TNFAIP6: variants seen among roughly 807,000 people sequenced by gnomAD.
TNFAIP6 encodes TNF alpha induced protein 6.
TNFAIP6 carries 36 observed loss-of-function variants against 33.7 expected under a neutral mutation model. The ratio of observed to expected loss-of-function variants is 1.07; its 90% CI spans 0.82 to 1.41. TNFAIP6 has a LOEUF of 1.41. Among genes scored for constraint, TNFAIP6 ranks in the 40% most tolerant of loss-of-function variants. The pLI is 0.00. For missense variants in TNFAIP6, 273 were observed against 331.9 expected (o/e 0.82, Z 1.38); for synonymous variants, 113 against 112.8 (o/e 1.00, Z -0.01).
intron 5 of TNFAIP6, among the ~76,000 whole-genome samples, chr2:151,376,869 T>TC (rs1558902171): frequency 6.8e-6 from 1 of 147,006 alleles, no homozygotes; most frequent in African/African-American, 2.5e-5. Flanking sequence ...TCTTTTCTTT[T>TC]TTTTTTTTTT....
rs117973638 is a variant in TNFAIP6 at position 151,370,036 on chromosome 2, C to T, written c.411C>T (p.Gly137=). Residue 137 remains glycine (G), a synonymous_variant, in exon 4 of 6, where the codon GGC becomes GGT. Coordinates refer to ENST00000243347, the MANE Select transcript of TNFAIP6 (RefSeq NM_007115.4). ...TCATTTCAGCAAAGGAGTGTGGTGG[C>T]GTCTTTACAGATCCAAAGCAAATTT... ...CYNPHAKECG[G]VFTDPKQIFK... 5.9e-5 allele frequency: 95 copies of T among 1,613,464 alleles called. No homozygotes were observed. The East Asian group carries it at 1.2e-3, about 20-fold the overall frequency.
At chr2:151,377,825 C>T (rs919256803) in intron 5 of TNFAIP6, among the ~76,000 whole-genome samples, 3 of 151,718 alleles carry the variant, frequency 2.0e-5, no homozygotes, top group Non-Finnish European at 4.4e-5. Flanking sequence ...GCAAATCTTC[C>T]AAATATGAGA....
chr2:151,373,688 C>T, intron 5 of TNFAIP6, 99 bp downstream of exon 5: 1 of 585,392 alleles, frequency 1.7e-6, no homozygotes, highest in Non-Finnish European at 2.7e-6. Flanking sequence ...AGTTATTATT[C>T]ACTTTTTAAA....
rs374084707 is a variant in TNFAIP6, at chr2:151,371,121, A to G, written c.623+873A>G. On this transcript the variant is annotated intron_variant, in intron 4 of 5. Coordinates refer to ENST00000243347, the MANE Select transcript of TNFAIP6 (RefSeq NM_007115.4). The stretch of plus-strand genomic sequence containing the variant: ...AGTAATTGTTGCCTTTCTTCTTCCT[A>G]CAAAGCATTGTGCTAAGTATTATGG... Among the ~76,000 whole-genome samples, 17 of 152,242 alleles carry G rather than the reference A, an allele frequency of 1.1e-4. No individual in the cohort carries two copies. In the South Asian group the frequency reaches 3.5e-3, roughly 32 times the overall value.
chr2:151,370,182 C>G lies in TNFAIP6; in HGVS notation c.557C>G (p.Pro186Arg), dbSNP rs769648795. The G allele has an allele frequency of 2.0e-5, 33 of 1,614,114 alleles. No individual in the cohort carries two copies. Among genetic ancestry groups the G allele is most frequent in the Non-Finnish European group, 2.8e-5 (33 of 1,180,020 alleles). The change falls in exon 4 of 6, where the codon CCA (proline) becomes CGA (arginine). Residue 186 changes from proline (P) to arginine (R), a missense_variant. Coordinates refer to ENST00000243347, the MANE Select transcript of TNFAIP6 (RefSeq NM_007115.4). Reference sequence around the variant, plus strand: ...TTAGATTTTGACCTTGAAGATGACCCAGGTTGCTTGGCTGATTATGTTGAA... The same window carrying G: ...TTAGATTTTGACCTTGAAGATGACCGAGGTTGCTTGGCTGATTATGTTGAA... ...SFLDFDLEDD[P>R]GCLADYVEIY... is the part of the protein sequence containing the mutation.
In TNFAIP6 at chr2:151,370,025, G is replaced by C; in HGVS notation, c.400G>C (p.Glu134Gln). 6.2e-7 allele frequency: 1 copy of C among 1,610,556 alleles called. No individual in the cohort carries two copies. The highest frequency in any genetic ancestry group is 1.7e-5 in the Admixed American group (1 of 59,530). ...DAYCYNPHAK[E>Q]CGGVFTDPKQ... is the part of the protein sequence containing the mutation. ...TTTTTTTCTTCTCATTTCAGCAAAG[G>C]AGTGTGGTGGCGTCTTTACAGATCC... Residue 134 changes from glutamate (E) to glutamine (Q), a missense_variant, in exon 4 of 6, where the codon GAG (glutamate) becomes CAG (glutamine). Glu to Gln is a conservative substitution (Grantham distance 29). Coordinates refer to ENST00000243347, the MANE Select transcript of TNFAIP6 (RefSeq NM_007115.4).
Position 151,379,569 on chromosome 2 carries a change from T to C in TNFAIP6, c.*36T>C, listed in dbSNP as rs367696501. ...AAGGATGATCAAAACACACAGTGTTTATGTTGGAATCTTTTGGAACTCCTT... is the reference window on the plus strand; with the variant it reads ...AAGGATGATCAAAACACACAGTGTTCATGTTGGAATCTTTTGGAACTCCTT... On this transcript the variant is annotated 3_prime_UTR_variant, in exon 6 of 6. Coordinates refer to ENST00000243347, the MANE Select transcript of TNFAIP6 (RefSeq NM_007115.4). 3 of 1,427,586 alleles carry C rather than the reference T, an allele frequency of 2.1e-6. No individual in the cohort carries two copies. Among genetic ancestry groups the C allele is most frequent in the Non-Finnish European group, 2.8e-6 (3 of 1,073,154 alleles). The allele number at this position is 1,427,586 out of a possible 1,614,324, so 88.4% of individuals were successfully genotyped here.
In TNFAIP6 at chr2:151,359,420, G is replaced by A. The variant is rs190956660; in HGVS notation, c.94+1660G>A. On this transcript the variant is annotated intron_variant, in intron 1 of 5. Transcript: ENST00000243347. ...TTTTTTTTTTTTGAGGCAGAGTCTC[G>A]CTCTGTTGCCCACGCTGGAGTGCAG... Among the ~76,000 whole-genome samples the A allele has an allele frequency of 2.2e-3, 293 of 135,864 alleles. 2 individuals carry two copies. Among genetic ancestry groups the A allele is most frequent in the African/African-American group, 7.2e-3 (256 of 35,566 alleles). The allele number at this position is 135,864 out of a possible 152,430, so 89.1% of individuals were successfully genotyped here.
Position 151,379,349 on chromosome 2 carries a change from C to T in TNFAIP6, c.665-15C>T, listed in dbSNP as rs371057496. ...GAGTAACATCTTTGTTCTTTTGCCTCCTTCCCCGCAACAGGAAATGTCATG... is the reference window on the plus strand; with the variant it reads ...GAGTAACATCTTTGTTCTTTTGCCTTCTTCCCCGCAACAGGAAATGTCATG... On this transcript the variant is annotated splice_polypyrimidine_tract_variant and intron_variant, in intron 5 of 5. Coordinates refer to ENST00000243347, the MANE Select transcript of TNFAIP6 (RefSeq NM_007115.4). 13 of 1,576,170 alleles carry T rather than the reference C, an allele frequency of 8.2e-6. No individual in the cohort carries two copies. Among genetic ancestry groups the T allele is most frequent in the African/African-American group, 1.4e-5 (1 of 72,316 alleles).
intron 1 of TNFAIP6, among the ~76,000 whole-genome samples, chr2:151,363,556 G>C (rs1573779295): frequency 6.6e-6 from 1 of 151,968 alleles, no homozygotes; most frequent in East Asian, 1.9e-4. Flanking sequence ...CAGCTATTCG[G>C]GAGGCTGAGG....
Position 151,373,263 on chromosome 2 carries a change from C to T in TNFAIP6, c.624-286C>T, listed in dbSNP as rs150588054. Among the ~76,000 whole-genome samples the T allele has an allele frequency of 5.3e-3, 807 of 151,964 alleles. 6 individuals carry two copies. Among genetic ancestry groups the T allele is most frequent in the East Asian group, 0.01 (53 of 5,174 alleles). ...CCAGGAGGAAGAGGTTGCGGTGAGC[C>T]GAGACTGCGCCACTGCACTCCAGCC... On this transcript the variant is annotated intron_variant, in intron 4 of 5. Transcript: ENST00000243347.
chr2:151,374,081 C>T (rs1478188975), intron 5 of TNFAIP6, among the ~76,000 whole-genome samples: 1 of 152,062 alleles, frequency 6.6e-6, no homozygotes, highest in African/African-American at 2.4e-5. Context: ...GAGAAGAGGG[C>T]TCTAAGGTCA....
At chr2:151,376,433 A>AG (rs1553467544) in intron 5 of TNFAIP6, among the ~76,000 whole-genome samples, 2 of 142,346 alleles carry the variant, frequency 1.4e-5, no homozygotes, top group African/African-American at 5.3e-5. Context: ...AAAAAAAAAA[A>AG]AAAGAAAGAA....
chr2:151,368,512 T>C (rs1684755890), intron 3 of TNFAIP6: 1 of 151,850 alleles, frequency 6.6e-6, no homozygotes, highest in Non-Finnish European at 1.5e-5. Context: ...CCACTGATTC[T>C]GAGACAGCGT....
intron 1 of TNFAIP6, among the ~76,000 whole-genome samples, chr2:151,361,293 C>G (rs1368384822): frequency 6.6e-6 from 1 of 152,104 alleles, no homozygotes; most frequent in Non-Finnish European, 1.5e-5. Context: ...CCAGGCTGGT[C>G]TGGAACTTCT....
chr2:151,376,651 A>G (rs1480729396), intron 5 of TNFAIP6, among the ~76,000 whole-genome samples: 1 of 152,044 alleles, frequency 6.6e-6, no homozygotes, highest in Admixed American at 6.6e-5. Context: ...AGATCATTCA[A>G]ATTCTTTTTC....
chr2:151,363,820 C>A, intron 1 of TNFAIP6, 123 bp from the exon 2 acceptor site: 1 of 1,239,344 alleles, frequency 8.1e-7, no homozygotes, highest in Non-Finnish European at 1.1e-6. Context: ...CCCAAGGCAG[C>A]CAACCCAGAA....
intron 5 of TNFAIP6, 100 bp from the exon 6 acceptor site, chr2:151,379,264 G>A: frequency 1.8e-6 from 2 of 1,123,004 alleles, no homozygotes; most frequent in Non-Finnish European, 2.5e-6. Context: ...TCTTGTTCAT[G>A]AATTCTTATA....
chr2:151,358,347 T>A (rs1421729707), intron 1 of TNFAIP6, among the ~76,000 whole-genome samples: 1 of 152,228 alleles, frequency 6.6e-6, no homozygotes, highest in Non-Finnish European at 1.5e-5. Context: ...ATATAAATAC[T>A]TTTCTGACCC....
Sources: allele counts gnomAD v4.1 joint callset (sites outside exome capture counted in the v4.1 genomes callset), GRCh38; gene constraint gnomAD v4.1.1; transcripts MANE v1.5; gene names NCBI Gene and HGNC (gene_info 2026-07-23, HGNC 2026-07-21).